RBBP4: variants seen among roughly 807,000 people sequenced by gnomAD.
RBBP4 encodes RB binding protein 4, chromatin remodeling factor.
RBBP4 carries 3 observed loss-of-function variants against 57.2 expected under a neutral mutation model. That is an observed-to-expected ratio of 0.05 (90% CI 0.02 to 0.14). The LOEUF is 0.14. Ranked by LOEUF, RBBP4 falls within the 10% of genes least tolerant of loss-of-function variation. The pLI is 1.00. For missense variants in RBBP4, 107 were observed against 520.6 expected (o/e 0.21, Z 7.73); for synonymous variants, 151 against 171.5 (o/e 0.88, Z 0.93).
chr1:32,659,520 A>G (rs1014633847), intron 3 of RBBP4, among the ~76,000 whole-genome samples: 3 of 143,054 alleles, frequency 2.1e-5, no homozygotes, highest in East Asian at 4.1e-4. Context: ...AGATCTCACC[A>G]TTGCACTCCA....
At chr1:32,662,985 A>C (rs1387898493) in intron 3 of RBBP4, among the ~76,000 whole-genome samples, 2 of 152,034 alleles carry the variant, frequency 1.3e-5, no homozygotes, top group African/African-American at 4.8e-5. Context: ...GACTCGTCTC[A>C]AAAAAACATA....
intron 8 of RBBP4, among the ~76,000 whole-genome samples, chr1:32,672,090 A>G (rs1440865501): frequency 1.3e-5 from 2 of 151,840 alleles, no homozygotes; most frequent in Non-Finnish European, 2.9e-5. Context: ...CCTGGGTTCA[A>G]GCAATCCTCC....
At chr1:32,656,729 A>G (rs892456807) in intron 2 of RBBP4, among the ~76,000 whole-genome samples, 1 of 152,158 alleles carries the variant, frequency 6.6e-6, no homozygotes, top group Non-Finnish European at 1.5e-5. Flanking sequence ...CGATGTGTCC[A>G]TTGATAGGCG....
intron 4 of RBBP4, 111 bp from the exon 5 acceptor site, chr1:32,668,628 A>G (rs1648750858): frequency 1.1e-6 from 1 of 900,584 alleles, no homozygotes; most frequent in Admixed American, 2.6e-5. Context: ...CGGTTCCTAT[A>G]TCATTTATAA....
intron 3 of RBBP4, among the ~76,000 whole-genome samples, chr1:32,663,633 G>A (rs1301426928): frequency 6.6e-6 from 1 of 151,678 alleles, no homozygotes; most frequent in Non-Finnish European, 1.5e-5. Context: ...CTGGAGTGTA[G>A]TGGCATGATC....
intron 3 of RBBP4, among the ~76,000 whole-genome samples, chr1:32,665,751 C>T (rs184612289): frequency 2.7e-5 from 4 of 150,840 alleles, no homozygotes; most frequent in Admixed American, 2.0e-4. Context: ...AAGTTACTCT[C>T]ACAACTTCTT....
chr1:32,681,111 G>C lies in RBBP4; in HGVS notation c.*1406G>C, dbSNP rs1649406582. The stretch of plus-strand genomic sequence containing the variant: ...GATGCAATAACCAGATAAAATTCCT[G>C]TTTTTTCCCAATCGCTTAGTTTTTT... On this transcript the variant is annotated 3_prime_UTR_variant, in exon 12 of 12. Transcript: ENST00000373493. 1 of 152,624 alleles carries C rather than the reference G, an allele frequency of 6.6e-6. No individual in the cohort carries two copies. Among genetic ancestry groups the C allele is most frequent in the South Asian group, 2.1e-4 (1 of 4,836 alleles). 9.5% of individuals were successfully genotyped at this position (152,624 alleles called of 1,614,324 possible).
At position 32,684,585 on chromosome 1, in the gene RBBP4, GA is replaced by G; in HGVS notation, c.*4885del. ...TGACAATGCTTTTGAAAATGATGACGAAAAAGGCATCTTGTCTGTTAACCAC... is the reference window on the plus strand; with the variant it reads ...TGACAATGCTTTTGAAAATGATGACGAAAAGGCATCTTGTCTGTTAACCAC... On this transcript the variant is annotated 3_prime_UTR_variant, in exon 12 of 12. Coordinates refer to ENST00000373493, the MANE Select transcript of RBBP4 (RefSeq NM_005610.3). The G allele has an allele frequency of 4.4e-6, 3 of 679,266 alleles. No individual in the cohort carries two copies. The highest frequency in any genetic ancestry group is 7.0e-6 in the Non-Finnish European group (3 of 426,134). 42.1% of individuals were successfully genotyped at this position (679,266 alleles called of 1,614,324 possible). A position where few individuals can be genotyped will look rare whatever the true frequency, so the allele number is the denominator to read the frequency against.
At position 32,683,609 on chromosome 1, in the gene RBBP4, A is replaced by G. The variant is rs1348227296; in HGVS notation, c.*3904A>G. 1 of 157,846 alleles carries G rather than the reference A, an allele frequency of 6.3e-6. No individual in the cohort carries two copies. The highest frequency in any genetic ancestry group is 1.4e-5 in the Non-Finnish European group (1 of 71,902). The allele number at this position is 157,846 out of a possible 1,614,324, so 9.8% of individuals were successfully genotyped here. The stretch of plus-strand genomic sequence containing the variant: ...GTTATCCCCTTGTCATTAGGCACAC[A>G]AGGGTTTTTTGTTGTTTTTGTTTTT... On this transcript the variant is annotated 3_prime_UTR_variant, in exon 12 of 12. Transcript: ENST00000373493.
In RBBP4 at chr1:32,676,440, A is replaced by G. The variant is rs545608214; in HGVS notation, c.1213-3200A>G. ...GTCAACATAGTGAAACCCCATCTCTACTAAAAAATAAATACAAAAATTAGC... is the reference window on the plus strand; with the variant it reads ...GTCAACATAGTGAAACCCCATCTCTGCTAAAAAATAAATACAAAAATTAGC... On this transcript the variant is annotated intron_variant, in intron 11 of 11. Transcript: ENST00000373493. Among the ~76,000 whole-genome samples the G allele has an allele frequency of 2.3e-3, 349 of 151,648 alleles. 1 individual carries two copies. The highest frequency in any genetic ancestry group is 4.0e-3 in the Non-Finnish European group (274 of 67,834).
intron 2 of RBBP4, among the ~76,000 whole-genome samples, chr1:32,652,888 C>T (rs535237785): frequency 6.6e-6 from 1 of 152,268 alleles, no homozygotes; most frequent in African/African-American, 2.4e-5. Flanking sequence ...GTCATGGTAC[C>T]TGCCTTCAAG....
At chr1:32,671,348 G>T (rs1240212242) in intron 8 of RBBP4, among the ~76,000 whole-genome samples, 1 of 152,172 alleles carries the variant, frequency 6.6e-6, no homozygotes, top group African/African-American at 2.4e-5. Flanking sequence ...GCTTTGGGAG[G>T]CCGAGGCGGG....
At chr1:32,655,200 C>T (rs1205845687) in intron 2 of RBBP4, among the ~76,000 whole-genome samples, 1 of 152,076 alleles carries the variant, frequency 6.6e-6, no homozygotes, top group African/African-American at 2.4e-5. Context: ...TGTTCTTTAA[C>T]TTCTGGGCTC....
chr1:32,660,622 T>A (rs953373051), intron 3 of RBBP4, among the ~76,000 whole-genome samples: 1 of 151,382 alleles, frequency 6.6e-6, no homozygotes, highest in East Asian at 1.9e-4. Context: ...CATGTCACTA[T>A]GTTGCTCAGG....
intron 2 of RBBP4, among the ~76,000 whole-genome samples, chr1:32,655,194 C>T (rs1353579014): frequency 6.6e-6 from 1 of 152,044 alleles, no homozygotes; most frequent in Non-Finnish European, 1.5e-5. Flanking sequence ...CCAGACTGTT[C>T]TTTAACTTCT....
rs2148526562 is a variant in RBBP4 at position 32,669,019 on chromosome 1, G to A, written c.648G>A (p.Val216=). Residue 216 remains valine, a synonymous_variant, in exon 6 of 12, where the codon GTG becomes GTA. Transcript: ENST00000373493. This position sits in a 1 kb window ranked among gnomAD's most constrained non-coding sequence, Gnocchi z 4.9. Reference sequence around the variant, plus strand: ...GTGCCGTTCCAAAGGAGGGAAAAGTGGTAGATGCGAAGACCATCTTTACAG... The same window carrying A: ...GTGCCGTTCCAAAGGAGGGAAAAGTAGTAGATGCGAAGACCATCTTTACAG... ...DISAVPKEGK[V]VDAKTIFTGH... 2.5e-6 allele frequency: 4 copies of A among 1,614,014 alleles called. No individual in the cohort carries two copies. Among genetic ancestry groups the A allele is most frequent in the East Asian group, 2.2e-5 (1 of 44,888 alleles).
chr1:32,665,141 T>C (rs1018708390), intron 3 of RBBP4, among the ~76,000 whole-genome samples: 5 of 152,162 alleles, frequency 3.3e-5, no homozygotes, highest in Non-Finnish European at 5.9e-5. Context: ...CTGAAGTTTC[T>C]TGAGGTACGT....
intron 8 of RBBP4, 144 bp from the exon 9 acceptor site, chr1:32,672,306 T>A: frequency 1.4e-6 from 1 of 690,950 alleles, no homozygotes; most frequent in Non-Finnish European, 2.4e-6. Flanking sequence ...TCTTTAGCTC[T>A]TAATTTTAAC....
chr1:32,674,306 T>C (rs1227517816), intron 11 of RBBP4, among the ~76,000 whole-genome samples: 1 of 38,518 alleles, frequency 2.6e-5, no homozygotes, highest in Non-Finnish European at 1.9e-4. Flanking sequence ...CGATTACAGC[T>C]CACTGCAGCC....
Sources: allele counts gnomAD v4.1 joint callset (sites outside exome capture counted in the v4.1 genomes callset), GRCh38; gene constraint gnomAD v4.1.1; non-coding constraint Gnocchi (gnomAD v3.1); transcripts MANE v1.5; gene names NCBI Gene and HGNC (gene_info 2026-07-23, HGNC 2026-07-21).